TMEM131: variants seen among roughly 807,000 people sequenced by gnomAD.
TMEM131 encodes 2610524E03Rik.
Under a neutral mutation model 211.6 loss-of-function variants are expected in TMEM131, and 66 were observed. That is an observed-to-expected ratio of 0.31 (90% CI 0.26 to 0.38). The LOEUF (loss-of-function observed/expected upper bound fraction) is 0.38. Among genes scored for constraint, TMEM131 ranks in the 10% least tolerant of loss-of-function variants. The pLI, the probability that TMEM131 is intolerant of heterozygous loss-of-function variation, is 1.00. For missense variants in TMEM131, 2,036 were observed against 2,299.3 expected, an observed-to-expected ratio of 0.89 and a Z score of 2.34; for synonymous variants, 844 against 841.3, an observed-to-expected ratio of 1.00 and a Z score of -0.06.
intron 2 of TMEM131, among the ~76,000 whole-genome samples, chr2:97,926,604 T>C (rs1042000402): frequency 2.0e-5 from 3 of 152,144 alleles, no homozygotes; most frequent in Non-Finnish European, 4.4e-5. Context: ...TCAACATTTT[T>C]CTAGACCAAA....
chr2:97,773,565 G>A (rs1679568274), intron 32 of TMEM131, among the ~76,000 whole-genome samples: 1 of 152,172 alleles, frequency 6.6e-6, no homozygotes, highest in African/African-American at 2.4e-5. Context: ...GGATTTCTGT[G>A]GCAATCTGAC....
chr2:97,791,427 G>C (rs997235872), intron 31 of TMEM131, among the ~76,000 whole-genome samples: 5 of 152,198 alleles, frequency 3.3e-5, no homozygotes, highest in Non-Finnish European at 5.9e-5. Flanking sequence ...TGCTCATTCT[G>C]GGGGAGCCAA....
intron 2 of TMEM131, chr2:97,911,614 G>C (rs1676297185): frequency 1.0e-6 from 1 of 984,986 alleles, no homozygotes. Flanking sequence ...CTCATACGAA[G>C]ACTCACAAAT....
rs769153242 is a variant in TMEM131, at chr2:97,792,929, C to T, written c.3601G>A (p.Gly1201Ser). Residue 1201 changes from glycine (G) to serine (S), a missense_variant, in exon 31 of 41, where the codon GGT becomes AGT. This residue lies in a region of TMEM131 where 1,623 missense variants were observed against 1,805.9 expected (regional missense o/e 0.90). Coordinates refer to ENST00000186436, the MANE Select transcript of TMEM131 (RefSeq NM_015348.2). ...CCGGCACTGGGTCGGGATGATGAAC[C>T]GCCTGCTCCACAGAACCCCCTACTG... ...GHSRGFCGAG[G>S]SSSRPSAGSH... is the part of the protein sequence containing the mutation. The T allele has an allele frequency of 8.1e-6, 13 of 1,610,508 alleles. No homozygotes were observed. Among genetic ancestry groups the T allele is most frequent in the African/African-American group, 2.7e-5 (2 of 74,822 alleles).
At position 97,814,042 on chromosome 2, in the gene TMEM131, T is replaced by C. The variant is rs1275605675; in HGVS notation, c.1546A>G (p.Asn516Asp). The C allele has an allele frequency of 1.9e-6, 3 of 1,601,994 alleles. No homozygotes were observed. The highest frequency in any genetic ancestry group is 2.6e-6 in the Non-Finnish European group (3 of 1,173,284). Residue 516 changes from asparagine to aspartate, a missense_variant, in exon 15 of 41, where the codon AAC becomes GAC. Asn to Asp is a conservative substitution (Grantham distance 23, BLOSUM62 1). Coordinates refer to ENST00000186436, the MANE Select transcript of TMEM131 (RefSeq NM_015348.2). ...GCATTGGTAATAAGTAAAATGTTGTTATCAATGTGCATGGATGATGTGGAA... is the reference window on the plus strand; with the variant it reads ...GCATTGGTAATAAGTAAAATGTTGTCATCAATGTGCATGGATGATGTGGAA... ...MPSTSSMHID[N>D]NILLITNASK... is the part of the protein sequence containing the mutation.
intron 4 of TMEM131, among the ~76,000 whole-genome samples, chr2:97,871,469 G>A (rs1025626372): frequency 3.3e-5 from 5 of 152,174 alleles, no homozygotes; most frequent in Admixed American, 2.6e-4. Context: ...GACATTGTCT[G>A]GGAGATCATA....
intron 1 of TMEM131, among the ~76,000 whole-genome samples, chr2:97,936,209 T>C (rs368955293): frequency 1.6e-4 from 24 of 152,306 alleles, no homozygotes; most frequent in East Asian, 9.6e-4. Context: ...TAGATGACAG[T>C]TGGGCCAAAC....
intron 10 of TMEM131, among the ~76,000 whole-genome samples, 189 bp from the exon 11 acceptor site, chr2:97,833,615 C>T (rs183649552): frequency 6.6e-6 from 1 of 150,950 alleles, no homozygotes; most frequent in East Asian, 1.9e-4. Context: ...AAGAACTGTT[C>T]CCTCTTAAAC....
intron 22 of TMEM131, among the ~76,000 whole-genome samples, chr2:97,803,010 T>C (rs927192596): frequency 6.6e-6 from 1 of 152,236 alleles, no homozygotes; most frequent in Non-Finnish European, 1.5e-5. Flanking sequence ...TCTGTTTCTG[T>C]ACTGAATATA....
intron 1 of TMEM131, 32 bp downstream of exon 1, chr2:97,995,444 C>T: frequency 4.5e-6 from 6 of 1,345,000 alleles, no homozygotes; most frequent in Non-Finnish European, 5.7e-6. Flanking sequence ...GGTGACAGCC[C>T]CGCCGCAGGG....
intron 33 of TMEM131, among the ~76,000 whole-genome samples, chr2:97,772,033 A>C (rs1192198832): frequency 6.6e-6 from 1 of 152,098 alleles, no homozygotes; most frequent in East Asian, 1.9e-4. Context: ...ACCAACAGAA[A>C]TTTTCCTCCT....
At chr2:97,957,550 T>C (rs917371864) in intron 1 of TMEM131, among the ~76,000 whole-genome samples, 13 of 152,186 alleles carry the variant, frequency 8.5e-5, no homozygotes, top group African/African-American at 3.1e-4. Context: ...ACTCATAGGA[T>C]GGGGAGAGGC....
intron 1 of TMEM131, among the ~76,000 whole-genome samples, chr2:97,942,971 A>G (rs1362935349): frequency 7.1e-6 from 1 of 140,488 alleles, no homozygotes; most frequent in Non-Finnish European, 1.5e-5. Flanking sequence ...AAAAAAAGAA[A>G]GAAAGAAAGA....
At chr2:97,805,734 T>C in intron 19 of TMEM131, 31 bp from the exon 20 acceptor site, 1 of 1,542,568 alleles carries the variant, frequency 6.5e-7, no homozygotes, top group Non-Finnish European at 8.7e-7. Context: ...ACAAACTCAT[T>C]TGTATATGGT....
In TMEM131 at chr2:97,995,560, G is replaced by A. The variant is rs1162830377; in HGVS notation, c.103C>T (p.Pro35Ser). Residue 35 changes from proline to serine, a missense_variant, in exon 1 of 41, where the codon CCG becomes TCG. Physicochemically the swap from Pro to Ser is moderately conservative, Grantham distance 74. Transcript: ENST00000186436. Reference protein sequence around the residue: ...LEPAAARSGGPRSAAAGLLGA... With the variant: ...LEPAAARSGGSRSAAAGLLGA... The stretch of plus-strand genomic sequence containing the variant: ...AGGAGGCCGGCGGCCGCGCTCCGCG[G>A]GCCCCCGCTACGGGCGGCCGCAGGT... 6 of 1,319,834 alleles carry A rather than the reference G, an allele frequency of 4.5e-6. No individual in the cohort carries two copies. Among genetic ancestry groups the A allele is most frequent in the South Asian group, 2.1e-5 (1 of 47,452 alleles). 81.8% of individuals were successfully genotyped at this position (1,319,834 alleles called of 1,614,324 possible). A position where few individuals can be genotyped will look rare whatever the true frequency, so the allele number is the denominator to read the frequency against.
At chr2:97,818,828 T>A in intron 11 of TMEM131, 107 bp from the exon 12 acceptor site, 1 of 678,704 alleles carries the variant, frequency 1.5e-6, no homozygotes, top group South Asian at 2.4e-5. Flanking sequence ...GGACTCTAAA[T>A]TTGAAAAGTT....
At chr2:97,869,625 A>G (rs1435641945) in intron 4 of TMEM131, among the ~76,000 whole-genome samples, 2 of 152,184 alleles carry the variant, frequency 1.3e-5, no homozygotes, top group South Asian at 2.1e-4. Flanking sequence ...TGGGCAGTCC[A>G]CACCACAGGA....
intron 1 of TMEM131, among the ~76,000 whole-genome samples, chr2:97,943,100 A>AGAAAGAAAGAAAGAAAGAAAGAGC (rs1491111163): frequency 1.3e-5 from 2 of 149,682 alleles, no homozygotes; most frequent in South Asian, 2.1e-4. Context: ...AAAGAAAGAA[A>AGAAAGAAAGAAAGAAAGAAAGAGC]GAGCTGGGTG....
intron 3 of TMEM131, chr2:97,907,353 T>C (rs546565997): frequency 2.0e-5 from 3 of 152,100 alleles, no homozygotes; most frequent in East Asian, 1.9e-4. Flanking sequence ...AGAGAAAAAA[T>C]AGTGAATACT....
Sources: gnomAD v4.1 joint callset for allele counts (sites outside exome capture counted in the v4.1 genomes callset) on GRCh38, gnomAD v4.1.1 for gene constraint, gnomAD v4.1.1 regional missense constraint, MANE v1.5 for transcripts, NCBI Gene and HGNC (gene_info 2026-07-23, HGNC 2026-07-21) for gene names.